The following FKBP9 variants were observed in gnomAD, a reference collection of about 807,000 sequenced individuals.
FKBP9 encodes the protein FKBP prolyl isomerase 9.
Under a neutral mutation model 55.6 loss-of-function variants are expected in FKBP9, and 27 were observed. The observed-to-expected ratio is 0.49, with a 90% CI of 0.36 to 0.67. FKBP9 has a LOEUF of 0.67. Among genes scored for constraint, FKBP9 ranks in the 30% least tolerant of loss-of-function variants. The pLI, the probability that FKBP9 is intolerant of heterozygous loss-of-function variation, is 0.00. For synonymous variants in FKBP9, 267 were observed against 296.5 expected, an observed-to-expected ratio of 0.90 and a Z score of 1.02; for missense variants, 539 against 742.8, an observed-to-expected ratio of 0.73 and a Z score of 3.19.
rs4723228 is a variant in FKBP9, at chr7:32,967,493, G to A, written c.222-7124G>A. 9.4e-3 allele frequency among the ~76,000 whole-genome samples: 1,426 copies of A among 152,208 alleles called. 64 individuals are homozygous for A. The highest frequency in any genetic ancestry group is 0.081 in the Admixed American group (1,240 of 15,276). On this transcript the variant is annotated intron_variant, in intron 1 of 9. Transcript: ENST00000242209. ...GGAATCATGCAGTATTTGTCTTTCT[G>A]TGACTGGCTTATTTCATTTTACGTA...
chr7:32,958,942 G>A (rs891093639), intron 1 of FKBP9, among the ~76,000 whole-genome samples: 2 of 152,146 alleles, frequency 1.3e-5, no homozygotes, highest in African/African-American at 2.4e-5. Flanking sequence ...GCTATTTGTT[G>A]AGCCCCTGCT....
intron 1 of FKBP9, among the ~76,000 whole-genome samples, chr7:32,959,000 A>C (rs1399547671): frequency 6.6e-6 from 1 of 152,104 alleles, no homozygotes; most frequent in Admixed American, 6.5e-5. Context: ...TAGACTCTTG[A>C]CTTTTTTGAA....
chr7:32,979,384 C>T (rs530415209), intron 4 of FKBP9: 13 of 702,636 alleles, frequency 1.9e-5, no homozygotes, highest in African/African-American at 7.1e-5. Context: ...CTATCTCCCA[C>T]GCATGCGATT....
chr7:32,961,312 A>G (rs976489322), intron 1 of FKBP9, among the ~76,000 whole-genome samples: 1 of 152,178 alleles, frequency 6.6e-6, no homozygotes, highest in Non-Finnish European at 1.5e-5. Flanking sequence ...CTTTTTGGGT[A>G]TACAGAGTTC....
intron 1 of FKBP9, among the ~76,000 whole-genome samples, chr7:32,971,837 A>G (rs1433225582): frequency 6.6e-6 from 1 of 152,156 alleles, no homozygotes; most frequent in African/African-American, 2.4e-5. Flanking sequence ...AAAGAGCCTG[A>G]GTATCATAGC....
In FKBP9 at chr7:33,006,508, T is replaced by C. The variant is rs544077442; in HGVS notation, c.*1157T>C. The stretch of plus-strand genomic sequence containing the variant: ...TGATGAGATAAATAGGGCTGGGGGC[T>C]GGGCCCCGCTGGTCACTCAACAGAG... On this transcript the variant is annotated 3_prime_UTR_variant, in exon 10 of 10. Transcript: ENST00000242209. The C allele has an allele frequency of 4.7e-4, 94 of 200,526 alleles. No individual in the cohort carries two copies. The East Asian group carries it at 7.1e-3, about 15-fold the overall frequency. The allele number at this position is 200,526 out of a possible 1,614,324, so 12.4% of individuals were successfully genotyped here. A position where few individuals can be genotyped will look rare whatever the true frequency, so the allele number is the denominator to read the frequency against.
At chr7:32,969,971 G>C (rs1252341350) in intron 1 of FKBP9, among the ~76,000 whole-genome samples, 1 of 151,974 alleles carries the variant, frequency 6.6e-6, no homozygotes, top group East Asian at 1.9e-4. Context: ...CTGCACTCTA[G>C]CCTGGGCGAC....
At position 32,996,262 on chromosome 7, in the gene FKBP9, C is replaced by T. The variant is rs754475417; in HGVS notation, c.1139C>T (p.Pro380Leu). ...SISITSHYKP[P>L]DCSVLSKKGD... ...AGCATCACCTCCCACTACAAACCCC[C>T]TGACTGCTCAGTGCTGAGTAAGAAG... Residue 380 changes from proline (P) to leucine (L), a missense_variant, in exon 7 of 10, where the codon CCT becomes CTT. Physicochemically the swap from Pro to Leu is moderately conservative, Grantham distance 98. Transcript: ENST00000242209. 4 of 1,614,138 alleles carry T rather than the reference C, an allele frequency of 2.5e-6. No individual in the cohort carries two copies. The highest frequency in any genetic ancestry group is 3.4e-6 in the Non-Finnish European group (4 of 1,179,972).
chr7:32,990,798 T>C (rs1784665024), intron 6 of FKBP9, among the ~76,000 whole-genome samples: 1 of 152,266 alleles, frequency 6.6e-6, no homozygotes, highest in South Asian at 2.1e-4. Context: ...TACATTTATT[T>C]TGTTAGTTCT....
Position 32,963,496 on chromosome 7 carries a change from T to C in FKBP9, c.221+5702T>C, listed in dbSNP as rs192519566. The C allele has an allele frequency of 9.1e-4, 587 of 642,296 alleles. 1 individual carries two copies. The highest frequency in any genetic ancestry group is 7.9e-3 in the African/African-American group (425 of 53,722). The allele number at this position is 642,296 out of a possible 1,614,324, so 39.8% of individuals were successfully genotyped here. A position where few individuals can be genotyped will look rare whatever the true frequency, so the allele number is the denominator to read the frequency against. ...GTAGAAATTCTAGAGATCAGCCTCA[T>C]TGGGGCTTCATTTTACACAGGGATT... On this transcript the variant is annotated intron_variant, in intron 1 of 9. Transcript: ENST00000242209.
At chr7:32,964,242 CT>C (rs1473121143) in intron 1 of FKBP9, among the ~76,000 whole-genome samples, 2 of 152,330 alleles carry the variant, frequency 1.3e-5, no homozygotes, top group Middle Eastern at 3.4e-3. Flanking sequence ...CCAAGCACCC[CT>C]GGTGAAGACT....
chr7:32,962,441 G>A (rs1324465706), intron 1 of FKBP9, among the ~76,000 whole-genome samples: 1 of 152,110 alleles, frequency 6.6e-6, no homozygotes, highest in Non-Finnish European at 1.5e-5. Context: ...AATAACAGGG[G>A]TCAACTTCAT....
intron 1 of FKBP9, among the ~76,000 whole-genome samples, chr7:32,959,172 G>A (rs1361272889): frequency 6.6e-6 from 1 of 152,066 alleles, no homozygotes; most frequent in Non-Finnish European, 1.5e-5. Flanking sequence ...TTGGGAGGCC[G>A]AGGCGGGCGG....
intron 1 of FKBP9, chr7:32,963,799 G>C: frequency 1.6e-6 from 2 of 1,240,184 alleles, no homozygotes; most frequent in Non-Finnish European, 2.0e-6. Flanking sequence ...CTGCACACAT[G>C]ACCTCTGGGA....
chr7:32,991,745 G>C (rs1383830267), intron 6 of FKBP9, among the ~76,000 whole-genome samples: 1 of 152,176 alleles, frequency 6.6e-6, no homozygotes, highest in Non-Finnish European at 1.5e-5. Context: ...TAGGGCATTT[G>C]GATGGGTTTG....
rs1453414795 is a variant in FKBP9 at position 33,006,373 on chromosome 7, C to A, written c.*1022C>A. 3 of 199,976 alleles carry A rather than the reference C, an allele frequency of 1.5e-5. No homozygotes were observed. Among genetic ancestry groups the A allele is most frequent in the Non-Finnish European group, 3.1e-5 (3 of 96,880 alleles). 12.4% of individuals were successfully genotyped at this position (199,976 alleles called of 1,614,324 possible). On this transcript the variant is annotated 3_prime_UTR_variant, in exon 10 of 10. Transcript: ENST00000242209. ...TCGTGATCCGCCCACCTTGGCCTCC[C>A]AAAGTGTTGGGATTACAGGCGTGAC...
chr7:32,959,849 A>C (rs1180963568), intron 1 of FKBP9, among the ~76,000 whole-genome samples: 1 of 152,144 alleles, frequency 6.6e-6, no homozygotes, highest in Non-Finnish European at 1.5e-5. Context: ...GTTGATGGAC[A>C]TTTGGATTGC....
Position 33,006,681 on chromosome 7 carries a change from T to C in FKBP9, c.*1330T>C, listed in dbSNP as rs1785048079. ...AGCTGCCGCAAGACAGCAATGACAG[T>C]CCACCTGCCGACCTGATTCCTGCAT... On this transcript the variant is annotated 3_prime_UTR_variant, in exon 10 of 10. Coordinates refer to ENST00000242209, the MANE Select transcript of FKBP9 (RefSeq NM_007270.5). The C allele has an allele frequency of 4.6e-6, 1 of 217,018 alleles. No individual in the cohort carries two copies. Among genetic ancestry groups the C allele is most frequent in the Non-Finnish European group, 9.3e-6 (1 of 107,714 alleles). 13.4% of individuals were successfully genotyped at this position (217,018 alleles called of 1,614,324 possible).
At chr7:32,988,863 G>C in intron 6 of FKBP9, 1 of 518,480 alleles carries the variant, frequency 1.9e-6, no homozygotes, top group East Asian at 3.2e-5. Context: ...AGAGTAGCTG[G>C]CACTACAGGC....
Sources: gnomAD v4.1 joint callset for allele counts (sites outside exome capture counted in the v4.1 genomes callset) on GRCh38, gnomAD v4.1.1 for gene constraint, MANE v1.5 for transcripts, NCBI Gene and HGNC (gene_info 2026-07-23, HGNC 2026-07-21) for gene names.